Variants in TMTC2 observed in about 807,000 individuals in gnomAD.
TMTC2 encodes the protein protein O-mannosyl-transferase TMTC2.
Under a neutral mutation model 82.4 loss-of-function variants are expected in TMTC2, and 43 were observed. The ratio of observed to expected loss-of-function variants is 0.52; its 90% confidence interval spans 0.41 to 0.67. TMTC2 has a LOEUF of 0.67. Ranked by LOEUF, TMTC2 falls within the 30% of genes least tolerant of loss-of-function variation. TMTC2 has a pLI of 0.00. For synonymous variants in TMTC2, 408 were observed against 381.9 expected (o/e 1.07, Z -0.80); for missense variants, 919 against 1,012.4 (o/e 0.91, Z 1.25).
intron 10 of TMTC2, among the ~76,000 whole-genome samples, chr12:83,055,220 A>G (rs979076922): frequency 6.6e-6 from 1 of 152,042 alleles, no homozygotes; most frequent in Non-Finnish European, 1.5e-5. Context: ...GTGGAAACTG[A>G]GTCCTGTGCT....
At chr12:83,046,733 C>G (rs1235391491) in intron 9 of TMTC2, among the ~76,000 whole-genome samples, 1 of 152,132 alleles carries the variant, frequency 6.6e-6, no homozygotes, top group African/African-American at 2.4e-5. Context: ...ATTACTTCTG[C>G]TAGCAGCGAT....
intron 11 of TMTC2, among the ~76,000 whole-genome samples, chr12:83,103,160 A>T (rs913381092): frequency 1.3e-5 from 2 of 152,202 alleles, no homozygotes; most frequent in African/African-American, 4.8e-5. Flanking sequence ...TGACCTGAGG[A>T]TGGAGGTCCA....
intron 1 of TMTC2, among the ~76,000 whole-genome samples, chr12:82,708,824 G>A (rs1873493710): frequency 6.6e-6 from 1 of 152,202 alleles, no homozygotes; most frequent in South Asian, 2.1e-4. Flanking sequence ...CTCTCCAAGT[G>A]TTTTGCTTGA....
intron 1 of TMTC2, among the ~76,000 whole-genome samples, chr12:82,727,892 A>G (rs189001151): frequency 2.0e-5 from 3 of 151,992 alleles, no homozygotes; most frequent in African/African-American, 7.2e-5. Flanking sequence ...AGATTACTAG[A>G]TAGCTGAACA....
intron 11 of TMTC2, among the ~76,000 whole-genome samples, chr12:83,131,265 A>G (rs919262656): frequency 6.6e-6 from 1 of 152,236 alleles, no homozygotes. Context: ...CAGGAGCAGA[A>G]CAGCCTTATT....
intron 11 of TMTC2, among the ~76,000 whole-genome samples, chr12:83,105,978 T>C (rs1297304976): frequency 6.6e-6 from 1 of 152,180 alleles, no homozygotes; most frequent in Non-Finnish European, 1.5e-5. Context: ...AGAATAGCGT[T>C]GTATGAAATA....
chr12:82,995,472 G>A (rs569191184), intron 8 of TMTC2, among the ~76,000 whole-genome samples: 21 of 152,206 alleles, frequency 1.4e-4, no homozygotes, highest in Non-Finnish European at 2.4e-4. Context: ...AGGTTTTTGT[G>A]ATTTCCCCTT....
intron 7 of TMTC2, among the ~76,000 whole-genome samples, chr12:82,974,997 T>A (rs1878608081): frequency 6.6e-6 from 1 of 152,088 alleles, no homozygotes; most frequent in Non-Finnish European, 1.5e-5. Flanking sequence ...GAGTTCTAAT[T>A]TCTGTGATTC....
chr12:83,063,730 A>G (rs146170441), intron 11 of TMTC2, among the ~76,000 whole-genome samples: 10 of 152,030 alleles, frequency 6.6e-5, no homozygotes, highest in African/African-American at 2.4e-4. Context: ...ATTCAGTAAT[A>G]TTTACAGAGT....
chr12:82,845,616 G>T (rs1870618066), intron 1 of TMTC2, among the ~76,000 whole-genome samples: 1 of 151,956 alleles, frequency 6.6e-6, no homozygotes, highest in South Asian at 2.1e-4. Flanking sequence ...AGGAGGTGAG[G>T]TGTACTGAAT....
chr12:83,080,487 A>AT (rs1883427441), intron 11 of TMTC2, among the ~76,000 whole-genome samples: 1 of 152,184 alleles, frequency 6.6e-6, no homozygotes, highest in East Asian at 1.9e-4. Flanking sequence ...AATTTAAAAA[A>AT]TTATGAAGTG....
intron 1 of TMTC2, among the ~76,000 whole-genome samples, chr12:82,788,970 G>A (rs1238348179): frequency 6.6e-6 from 1 of 152,104 alleles, no homozygotes; most frequent in Non-Finnish European, 1.5e-5. Context: ...TTTCAGAACA[G>A]CTCAGGCAAC....
chr12:83,101,010 T>A (rs369047243), intron 11 of TMTC2, among the ~76,000 whole-genome samples: 10 of 152,230 alleles, frequency 6.6e-5, no homozygotes, highest in Admixed American at 6.5e-4. Context: ...TTTCAGCAGC[T>A]AGCTATAAAC....
At chr12:82,926,973 A>G (rs1257487301) in intron 3 of TMTC2, among the ~76,000 whole-genome samples, 1 of 152,224 alleles carries the variant, frequency 6.6e-6, no homozygotes, top group African/African-American at 2.4e-5. Context: ...ACAGAAATGC[A>G]CAAGGAGATT....
intron 1 of TMTC2, among the ~76,000 whole-genome samples, chr12:82,703,730 G>A (rs890606538): frequency 3.9e-5 from 6 of 151,912 alleles, no homozygotes; most frequent in South Asian, 2.1e-4. Flanking sequence ...CTCGTGATCC[G>A]CCCTCCTCGG....
chr12:82,734,423 T>C (rs1368980467), intron 1 of TMTC2, among the ~76,000 whole-genome samples: 1 of 152,136 alleles, frequency 6.6e-6, no homozygotes, highest in Non-Finnish European at 1.5e-5. Context: ...TGCTCTGTTA[T>C]CAGAGACCGT....
At chr12:82,862,915 T>C (rs1871623795) in intron 2 of TMTC2, among the ~76,000 whole-genome samples, 1 of 152,234 alleles carries the variant, frequency 6.6e-6, no homozygotes, top group South Asian at 2.1e-4. Flanking sequence ...AGATTTTTGG[T>C]TCATCACTGT....
chr12:83,016,484 A>G (rs1296364358), intron 8 of TMTC2, among the ~76,000 whole-genome samples: 2 of 152,146 alleles, frequency 1.3e-5, no homozygotes, highest in Non-Finnish European at 2.9e-5. Flanking sequence ...AGTTCTTTTA[A>G]GTATAATCTT....
rs1210786012 is a variant in TMTC2 at position 82,965,056 on chromosome 12, C to T, written c.1631C>T (p.Ala544Val). 1.2e-6 allele frequency: 2 copies of T among 1,612,494 alleles called. No homozygotes were observed. The highest frequency in any genetic ancestry group is 2.2e-5 in the South Asian group (2 of 90,966). Reference protein sequence around the residue: ...GLLLQENSRFAEALHYYKLAI... With the variant: ...GLLLQENSRFVEALHYYKLAI... ...CTTCTCCAGGAGAACAGCAGGTTTG[C>T]AGAAGCACTACATTATTATAAATTG... Residue 544 changes from alanine (A) to valine (V), a missense_variant, in exon 5 of 12, where the codon GCA becomes GTA. Transcript: ENST00000321196.
Sources: gnomAD v4.1 joint callset for allele counts (sites outside exome capture counted in the v4.1 genomes callset) on GRCh38, gnomAD v4.1.1 for gene constraint, MANE v1.5 for transcripts, NCBI Gene and HGNC (gene_info 2026-07-23, HGNC 2026-07-21) for gene names.